SLFNL1: variants seen among roughly 807,000 people sequenced by gnomAD.
SLFNL1 encodes schlafen like 1.
A neutral mutation model predicts 32.5 loss-of-function variants in SLFNL1; 26 were observed. The observed-to-expected ratio is 0.80, with a 90% CI of 0.59 to 1.11. The LOEUF (loss-of-function observed/expected upper bound fraction) is 1.11. SLFNL1 is among the 50% of genes least tolerant of loss of function. SLFNL1 has a pLI of 0.00. For synonymous variants in SLFNL1, 255 were observed against 242.2 expected (o/e 1.05, Z -0.49); for missense variants, 553 against 546.5 (o/e 1.01, Z -0.12).
At position 41,017,465 on chromosome 1, in the gene SLFNL1, A is replaced by T. The variant is rs1643440727; in HGVS notation, c.958-88T>A. 1.3e-6 allele frequency: 2 copies of T among 1,541,994 alleles called. No individual in the cohort carries two copies. The highest frequency in any genetic ancestry group is 1.7e-6 in the Non-Finnish European group (2 of 1,145,824). On this transcript the variant is annotated intron_variant, in intron 4 of 5. Coordinates refer to ENST00000302946, the MANE Select transcript of SLFNL1 (RefSeq NM_144990.4). This position sits in a 1 kb window ranked among gnomAD's most constrained non-coding sequence, Gnocchi z 4.9. ...CCAGGCTGCTCAGCATTGCTCACTG[A>T]TTCCTTAGGGCAGGCCAGCAGGGCT...
Position 41,020,395 on chromosome 1 carries a change from G to C in SLFNL1, c.266C>G (p.Pro89Arg). 1 of 1,613,096 alleles carries C rather than the reference G, an allele frequency of 6.2e-7. No homozygotes were observed. The highest frequency in any genetic ancestry group is 8.5e-7 in the Non-Finnish European group (1 of 1,180,030). The change falls in exon 3 of 6, where the codon CCG becomes CGG. Residue 89 changes from proline to arginine, a missense_variant. Physicochemically the swap from Pro to Arg is moderately radical, Grantham distance 103. Coordinates refer to ENST00000302946, the MANE Select transcript of SLFNL1 (RefSeq NM_144990.4). The part of the protein sequence containing the change: ...AREHIEVVRR[P>R]RKAYALVQVT... ...CTGCACCAGTGCATAGGCCTTCCGC[G>C]GCCGCCTCACCACTTCAATGTGCTC...
In SLFNL1 at chr1:41,020,348, G is replaced by C; in HGVS notation, c.313C>G (p.Leu105Val). 2 of 1,613,544 alleles carry C rather than the reference G, an allele frequency of 1.2e-6. No homozygotes were observed. Among genetic ancestry groups the C allele is most frequent in the East Asian group, 2.2e-5 (1 of 44,876 alleles). Residue 105 changes from leucine (L) to valine (V), a missense_variant, in exon 3 of 6, where the codon CTG becomes GTG. Physicochemically the swap from Leu to Val is conservative, Grantham distance 32 (BLOSUM62 1). Transcript: ENST00000302946. Reference sequence around the variant, plus strand: ...TGCAGGCGCCAGGGGAGGGAGGCCAGGGTGTCCCTGTGGACAGTCACCTGC... The same window carrying C: ...TGCAGGCGCCAGGGGAGGGAGGCCACGGTGTCCCTGTGGACAGTCACCTGC... ...LVQVTVHRDT[L>V]ASLPWRLQTA... is the part of the protein sequence containing the mutation.
chr1:41,018,704 G>A (rs1643558682), intron 3 of SLFNL1, among the ~76,000 whole-genome samples: 1 of 152,086 alleles, frequency 6.6e-6, no homozygotes, highest in Admixed American at 6.5e-5. Context: ...TCCTTTCATG[G>A]TTTGGGCTCT....
chr1:41,020,086 G>T, intron 3 of SLFNL1, 140 bp downstream of exon 3: 1 of 845,470 alleles, frequency 1.2e-6, no homozygotes, highest in Non-Finnish European at 1.8e-6. Flanking sequence ...ATGGTCATTT[G>T]AGTGGCAGCC....
At chr1:41,018,608 T>G (rs1643548984) in intron 3 of SLFNL1, among the ~76,000 whole-genome samples, 1 of 152,156 alleles carries the variant, frequency 6.6e-6, no homozygotes, top group Admixed American at 6.5e-5. Flanking sequence ...CCCCACCCAC[T>G]TCCTGATTTC....
At position 41,020,361 on chromosome 1, in the gene SLFNL1, G is replaced by C; in HGVS notation, c.300C>G (p.Val100=). 1.9e-6 allele frequency: 3 copies of C among 1,613,470 alleles called. No individual in the cohort carries two copies. The highest frequency in any genetic ancestry group is 2.5e-6 in the Non-Finnish European group (3 of 1,180,034). ...RKAYALVQVT[V]HRDTLASLPW... ...GGAGGGAGGCCAGGGTGTCCCTGTG[G>C]ACAGTCACCTGCACCAGTGCATAGG... The change falls in exon 3 of 6, where the codon GTC becomes GTG. Residue 100 remains valine, a synonymous_variant. Coordinates refer to ENST00000302946, the MANE Select transcript of SLFNL1 (RefSeq NM_144990.4).
chr1:41,019,833 C>T (rs1179317195), intron 3 of SLFNL1, among the ~76,000 whole-genome samples: 1 of 152,204 alleles, frequency 6.6e-6, no homozygotes, highest in Non-Finnish European at 1.5e-5. Flanking sequence ...GGCTGGGCCT[C>T]TCATCCCTGC....
chr1:41,016,701 G>T, intron 5 of SLFNL1: 1 of 159,178 alleles, frequency 6.3e-6, no homozygotes, highest in Non-Finnish European at 1.4e-5. Flanking sequence ...CTGAAGGGAG[G>T]ATACTGCATA....
rs148517962 is a variant in SLFNL1, at chr1:41,017,516, TCTC to T, written c.957+116_957+118del. The stretch of plus-strand genomic sequence containing the variant: ...GGCACAGGGGCCATCCCCAGCCTCT[TCTC>T]CTGTGGCCCCCAGTCCCGTCCCTGC... On this transcript the variant is annotated intron_variant, in intron 4 of 5. Coordinates refer to ENST00000302946, the MANE Select transcript of SLFNL1 (RefSeq NM_144990.4). The surrounding 1 kb of genome is among the most constrained non-coding windows in gnomAD (Gnocchi z 4.9). The T allele has an allele frequency of 2.1e-4, 309 of 1,490,140 alleles. No homozygotes were observed. In the East Asian group the frequency reaches 6.6e-3, roughly 32 times the overall value. The allele number at this position is 1,490,140 out of a possible 1,614,324, so 92.3% of individuals were successfully genotyped here.
chr1:41,017,230 G>A lies in SLFNL1; in HGVS notation c.1101+4C>T, dbSNP rs762173538. 20 of 1,560,722 alleles carry A rather than the reference G, an allele frequency of 1.3e-5. No individual in the cohort carries two copies. Among genetic ancestry groups the A allele is most frequent in the Non-Finnish European group, 1.5e-5 (17 of 1,156,286 alleles). On this transcript the variant is annotated splice_donor_region_variant and intron_variant, in intron 5 of 5. Transcript: ENST00000302946. The surrounding 1 kb of genome is among the most constrained non-coding windows in gnomAD (Gnocchi z 4.9). ...ACCCCACCCACTGGCCTCAGCTTCC[G>A]TACCTGCCTGCACCACTCCTGGATG...
Position 41,017,102 on chromosome 1 carries a change from A to T in SLFNL1, c.1101+132T>A. On this transcript the variant is annotated intron_variant, in intron 5 of 5. Coordinates refer to ENST00000302946, the MANE Select transcript of SLFNL1 (RefSeq NM_144990.4). The surrounding 1 kb of genome is among the most constrained non-coding windows in gnomAD (Gnocchi z 4.9). Reference sequence around the variant, plus strand: ...TGGGATGTGGTGTGATTGTATTCCAACCCCTTGGGTTCAACGGGGTGATGC... The same window carrying T: ...TGGGATGTGGTGTGATTGTATTCCATCCCCTTGGGTTCAACGGGGTGATGC... 2 of 1,151,866 alleles carry T rather than the reference A, an allele frequency of 1.7e-6. No individual in the cohort carries two copies. Among genetic ancestry groups the T allele is most frequent in the Non-Finnish European group, 2.4e-6 (2 of 843,840 alleles). The allele number at this position is 1,151,866 out of a possible 1,614,324, so 71.4% of individuals were successfully genotyped here. A position where few individuals can be genotyped will look rare whatever the true frequency, so the allele number is the denominator to read the frequency against.
chr1:41,018,234 C>T (rs1643515104), intron 3 of SLFNL1, 78 bp from the exon 4 acceptor site: 3 of 1,378,910 alleles, frequency 2.2e-6, no homozygotes, highest in South Asian at 1.6e-5. Flanking sequence ...ACTGCAAGAA[C>T]CCCCAGTCAG....
rs1342430962 is a variant in SLFNL1, at chr1:41,016,033, C to A, written c.*73G>T. The A allele has an allele frequency of 6.4e-7, 1 of 1,555,924 alleles. No individual in the cohort carries two copies. The highest frequency in any genetic ancestry group is 8.7e-7 in the Non-Finnish European group (1 of 1,149,052). On this transcript the variant is annotated 3_prime_UTR_variant, in exon 6 of 6. Coordinates refer to ENST00000302946, the MANE Select transcript of SLFNL1 (RefSeq NM_144990.4). Reference sequence around the variant, plus strand: ...GCCCGCATGGGCTTTACTGGTTGGCCTTACACTCAAACAGGAAATCCCTGG... The same window carrying A: ...GCCCGCATGGGCTTTACTGGTTGGCATTACACTCAAACAGGAAATCCCTGG...
rs749374516 is a variant in SLFNL1, at chr1:41,020,281, G to A, written c.380C>T (p.Ala127Val). ...EEHLILKELA[A>V]RGKDLLLSEA... ...ACTCAATAGCAGGTCCTTCCCACGGGCTGCCAGCTCCTTGAGGATTAGGTG... is the reference window on the plus strand; with the variant it reads ...ACTCAATAGCAGGTCCTTCCCACGGACTGCCAGCTCCTTGAGGATTAGGTG... Residue 127 changes from alanine (A) to valine (V), a missense_variant, in exon 3 of 6, where the codon GCC (alanine) becomes GTC (valine). Ala to Val is a moderately conservative substitution (Grantham distance 64). Transcript: ENST00000302946. 6 of 1,612,510 alleles carry A rather than the reference G, an allele frequency of 3.7e-6. No individual in the cohort carries two copies. Among genetic ancestry groups the A allele is most frequent in the Non-Finnish European group, 5.1e-6 (6 of 1,179,338 alleles).
chr1:41,017,243 C>A lies in SLFNL1; in HGVS notation c.1092G>T (p.Trp364Cys). 1 of 1,579,444 alleles carries A rather than the reference C, an allele frequency of 6.3e-7. No homozygotes were observed. ...GCCTCAGCTTCCGTACCTGCCTGCA[C>A]CACTCCTGGATGGCGCTGGCAGACA... Reference protein sequence around the residue: ...GPLSASAIQEWCRQRWLVELG... With the variant: ...GPLSASAIQECCRQRWLVELG... Residue 364 changes from tryptophan (W) to cysteine (C), a missense_variant, in exon 5 of 6, where the codon TGG (tryptophan) becomes TGT (cysteine). Coordinates refer to ENST00000302946, the MANE Select transcript of SLFNL1 (RefSeq NM_144990.4). This position sits in a 1 kb window ranked among gnomAD's most constrained non-coding sequence, Gnocchi z 4.9.
chr1:41,020,746 G>T lies in SLFNL1; in HGVS notation c.-86C>A, dbSNP rs1362547721. 3 of 1,267,422 alleles carry T rather than the reference G, an allele frequency of 2.4e-6. No homozygotes were observed. In the African/African-American group the frequency reaches 4.4e-5, roughly 19 times the overall value. The allele number at this position is 1,267,422 out of a possible 1,614,324, so 78.5% of individuals were successfully genotyped here. On this transcript the variant is annotated 5_prime_UTR_variant, in exon 3 of 6. Transcript: ENST00000302946. ...GTCTGTGTTCTCAGTGTGGCTTAAG[G>T]GCTCCCAGAGGACTCAGGGAGTGTC...
In SLFNL1 at chr1:41,020,459, G is replaced by GC; in HGVS notation, c.201dup (p.Arg68AlafsTer17). ...ATCTCCAGCCGCTCCAGGGTGTCTC[G>GC]CAGCAGGCAGGCAAGCACCGGCACT... On this transcript the variant is annotated frameshift_variant, in exon 3 of 6. Coordinates refer to ENST00000302946, the MANE Select transcript of SLFNL1 (RefSeq NM_144990.4). LOFTEE classifies it high-confidence loss of function. 1 of 1,613,330 alleles carries GC rather than the reference G, an allele frequency of 6.2e-7. No individual in the cohort carries two copies.
At position 41,020,793 on chromosome 1, in the gene SLFNL1, G is replaced by C. The variant is rs1484667830; in HGVS notation, c.-118-15C>G. ...TGTCCCGGCTCCTGGGAGGTACACAGATTGGCAGAGACTGGGCAGGGCCAG... is the reference window on the plus strand; with the variant it reads ...TGTCCCGGCTCCTGGGAGGTACACACATTGGCAGAGACTGGGCAGGGCCAG... On this transcript the variant is annotated splice_polypyrimidine_tract_variant and intron_variant, in intron 2 of 5. Transcript: ENST00000302946. 1.3e-6 allele frequency: 1 copy of C among 789,732 alleles called. No individual in the cohort carries two copies. The highest frequency in any genetic ancestry group is 2.0e-6 in the Non-Finnish European group (1 of 506,006). The allele number at this position is 789,732 out of a possible 1,614,324, so 48.9% of individuals were successfully genotyped here.
intron 1 of SLFNL1, 145 bp from the exon 2 acceptor site, chr1:41,021,015 C>A (rs1643794635): frequency 4.2e-6 from 1 of 238,280 alleles, no homozygotes; most frequent in Admixed American, 4.9e-5. Flanking sequence ...GTCCTGTCTT[C>A]CCTCCCCAAC....
Sources: allele counts gnomAD v4.1 joint callset (sites outside exome capture counted in the v4.1 genomes callset), GRCh38; gene constraint gnomAD v4.1.1; non-coding constraint Gnocchi (gnomAD v3.1); transcripts MANE v1.5; gene names NCBI Gene and HGNC (gene_info 2026-07-23, HGNC 2026-07-21).